Variants in CCDC91 observed in about 807,000 individuals in gnomAD.
CCDC91 encodes coiled-coil domain-containing protein 91.
CCDC91 carries 48 observed loss-of-function variants against 63.2 expected under a neutral mutation model. The observed-to-expected ratio is 0.76, with a 90% CI of 0.60 to 0.97. CCDC91 has a LOEUF of 0.97. CCDC91 is among the 50% of genes least tolerant of loss of function. CCDC91 has a pLI of 0.00. For missense variants in CCDC91, 500 were observed against 494.6 expected, an observed-to-expected ratio of 1.01 and a Z score of -0.10; for synonymous variants, 167 against 165.8, an observed-to-expected ratio of 1.01 and a Z score of -0.06.
rs190700505 is a variant in CCDC91, at chr12:28,269,949, T to G, written c.109+10507T>G. Among the ~76,000 whole-genome samples, 7 of 152,218 alleles carry G rather than the reference T, an allele frequency of 4.6e-5. No homozygotes were observed. In the East Asian group the frequency reaches 1.2e-3, roughly 25 times the overall value. On this transcript the variant is annotated intron_variant, in intron 3 of 12. Transcript: ENST00000536442. ...CTGATTTTTGTATTAATTTACATGA[T>G]TATATTGGCTTGCAGCTAGTATGCA...
intron 1 of CCDC91, among the ~76,000 whole-genome samples, chr12:28,242,257 A>G (rs760878287): frequency 1.3e-5 from 2 of 152,106 alleles, no homozygotes; most frequent in Non-Finnish European, 2.9e-5. Flanking sequence ...AGTGTTTGAC[A>G]TGTGACCCAG....
intron 12 of CCDC91, among the ~76,000 whole-genome samples, chr12:28,537,704 C>G (rs1942287159): frequency 6.6e-6 from 1 of 152,168 alleles, no homozygotes; most frequent in African/African-American, 2.4e-5. Flanking sequence ...CATTGACTTA[C>G]ATCATTAAGG....
intron 11 of CCDC91, among the ~76,000 whole-genome samples, chr12:28,463,311 A>C (rs1950398110): frequency 6.6e-6 from 1 of 152,216 alleles, no homozygotes; most frequent in Admixed American, 6.5e-5. Context: ...AGATGGAATT[A>C]ATATACATGA....
intron 7 of CCDC91, among the ~76,000 whole-genome samples, chr12:28,367,477 G>A (rs1317475608): frequency 6.6e-6 from 1 of 152,126 alleles, no homozygotes. Flanking sequence ...CAAATGAATA[G>A]GGGTTTAGGA....
chr12:28,493,461 T>C (rs188734817), intron 12 of CCDC91, among the ~76,000 whole-genome samples: 1 of 151,746 alleles, frequency 6.6e-6, no homozygotes, highest in East Asian at 1.9e-4. Context: ...AGTAGAACTT[T>C]GGTCACATGT....
At chr12:28,499,987 C>T (rs1952541339) in intron 12 of CCDC91, among the ~76,000 whole-genome samples, 1 of 152,080 alleles carries the variant, frequency 6.6e-6, no homozygotes, top group Non-Finnish European at 1.5e-5. Context: ...CCTGTTTCTC[C>T]ACATCCTCTC....
chr12:28,539,870 T>A (rs1172102940), intron 12 of CCDC91, among the ~76,000 whole-genome samples: 2 of 152,112 alleles, frequency 1.3e-5, no homozygotes, highest in Non-Finnish European at 1.5e-5. Context: ...CTTCAGTGAT[T>A]CATCACTGTA....
rs113623120 is a variant in CCDC91 at position 28,202,534 on chromosome 12, C to A, written c.-15+11893C>A. ...TCTCTGCATGGTTAGTACTGGACAG[C>A]GAATGATTGGACAGTTATTTCCCTA... On this transcript the variant is annotated intron_variant, in intron 1 of 12. Transcript: ENST00000536442. 8.5e-3 allele frequency among the ~76,000 whole-genome samples: 1,294 copies of A among 152,236 alleles called. 9 individuals are homozygous for A. The highest frequency in any genetic ancestry group is 0.019 in the South Asian group (90 of 4,818).
intron 1 of CCDC91, among the ~76,000 whole-genome samples, chr12:28,237,586 A>C (rs1208282939): frequency 6.6e-6 from 1 of 152,172 alleles, no homozygotes; most frequent in African/African-American, 2.4e-5. Flanking sequence ...ACCAGCAGCT[A>C]TCAGAAGCTG....
intron 1 of CCDC91, among the ~76,000 whole-genome samples, chr12:28,200,201 G>C (rs1313217999): frequency 1.4e-5 from 2 of 147,422 alleles, no homozygotes; most frequent in Non-Finnish European, 1.5e-5. Context: ...ACTGATTTTT[G>C]TGCCAGCTCA....
intron 3 of CCDC91, among the ~76,000 whole-genome samples, chr12:28,284,529 G>T (rs1235698449): frequency 6.6e-6 from 1 of 151,960 alleles, no homozygotes; most frequent in African/African-American, 2.4e-5. Flanking sequence ...GCACATGCCT[G>T]TAATCCCAGC....
intron 8 of CCDC91, among the ~76,000 whole-genome samples, chr12:28,449,423 C>T (rs1949690647): frequency 6.6e-6 from 1 of 151,936 alleles, no homozygotes; most frequent in Non-Finnish European, 1.5e-5. Context: ...CACATCAGTG[C>T]ACTGTTCTGG....
chr12:28,526,251 C>G (rs1289033391), intron 12 of CCDC91, among the ~76,000 whole-genome samples: 1 of 151,228 alleles, frequency 6.6e-6, no homozygotes, highest in African/African-American at 2.4e-5. Context: ...GAATTTGTTT[C>G]AAGATTTAGA....
At chr12:28,302,299 G>C (rs1938161886) in intron 3 of CCDC91, among the ~76,000 whole-genome samples, 1 of 151,830 alleles carries the variant, frequency 6.6e-6, no homozygotes, top group Non-Finnish European at 1.5e-5. Flanking sequence ...AAGATTTCTG[G>C]AAAAGCTTGT....
intron 1 of CCDC91, among the ~76,000 whole-genome samples, chr12:28,200,239 T>A (rs1942112385): frequency 1.3e-5 from 1 of 74,790 alleles, no homozygotes; most frequent in Non-Finnish European, 3.4e-5. Flanking sequence ...TTCTAGTGAA[T>A]TTTTTTTTTT....
At chr12:28,441,640 C>A (rs2348236) in intron 8 of CCDC91, among the ~76,000 whole-genome samples, 110,042 of 148,386 alleles carry the variant, frequency 0.74, 41,152 homozygotes, top group African/African-American at 0.8. Context: ...GTATATATAT[C>A]TCTCTCTCAT....
chr12:28,324,444 A>G (rs1420218963), intron 6 of CCDC91, among the ~76,000 whole-genome samples: 1 of 151,900 alleles, frequency 6.6e-6, no homozygotes, highest in Non-Finnish European at 1.5e-5. Flanking sequence ...CAAATCATTA[A>G]CATTCTTTCC....
intron 6 of CCDC91, among the ~76,000 whole-genome samples, chr12:28,321,049 C>G (rs1223005455): frequency 6.6e-6 from 1 of 151,802 alleles, no homozygotes; most frequent in African/African-American, 2.4e-5. Flanking sequence ...CTATGTAAAA[C>G]TGTTTAACAA....
At chr12:28,408,855 C>G (rs537942266) in intron 8 of CCDC91, among the ~76,000 whole-genome samples, 2 of 152,166 alleles carry the variant, frequency 1.3e-5, no homozygotes, top group East Asian at 3.9e-4. Context: ...GTTGGCCAGG[C>G]TGCTCTCGAA....
Sources: allele counts gnomAD v4.1 joint callset (sites outside exome capture counted in the v4.1 genomes callset), GRCh38; gene constraint gnomAD v4.1.1; transcripts MANE v1.5; gene names NCBI Gene and HGNC (gene_info 2026-07-23, HGNC 2026-07-21).